SNAI2: variants seen among roughly 807,000 people sequenced by gnomAD.
The protein encoded by SNAI2 is snail family transcriptional repressor 2, also known as zinc finger protein SNAI2.
Under a neutral mutation model 22.4 loss-of-function variants are expected in SNAI2, and 2 were observed. That is an observed-to-expected ratio of 0.09 (90% CI 0.04 to 0.28). SNAI2 has a LOEUF of 0.28. Ranked by LOEUF, SNAI2 falls within the 10% of genes least tolerant of loss-of-function variation. The pLI is 1.00. For missense variants in SNAI2, 239 were observed against 320.8 expected (o/e 0.75, Z 1.95); for synonymous variants, 134 against 123.0 (o/e 1.09, Z -0.59).
chr8:48,918,826 C>A lies in SNAI2; in HGVS notation c.788G>T (p.Gly263Val). ...CGTCACTCAGTGTGCTACACAGCAG[C>A]CAGATTCCTCATGTTTGTGCAGGAG... ...MSLLHKHEESGCCVAH is the reference protein window; with the variant it reads ...MSLLHKHEESVCCVAH The change falls in exon 3 of 3, where the codon GGC (glycine) becomes GTC (valine). Residue 263 changes from glycine to valine, a missense_variant. By Grantham distance (109) the Gly-to-Val change is moderately radical. Around this residue, in one of 3 missense-constraint regions of SNAI2, gnomAD observed 25 missense variants for 31.4 expected, o/e 0.80. Coordinates refer to ENST00000020945, the MANE Select transcript of SNAI2 (RefSeq NM_003068.5). The A allele has an allele frequency of 3.1e-6, 5 of 1,614,130 alleles. No individual in the cohort carries two copies. Among genetic ancestry groups the A allele is most frequent in the Non-Finnish European group, 4.2e-6 (5 of 1,180,008 alleles).
At chr8:48,919,059 T>C in intron 2 of SNAI2, 71 bp from the exon 3 acceptor site, 2 of 1,465,606 alleles carry the variant, frequency 1.4e-6, no homozygotes, top group Non-Finnish European at 1.9e-6. Flanking sequence ...TAAAATCATG[T>C]TAACAAAAGT....
intron 1 of SNAI2, among the ~76,000 whole-genome samples, chr8:48,920,721 G>A (rs908416538): frequency 3.3e-5 from 5 of 152,132 alleles, no homozygotes; most frequent in Admixed American, 1.3e-4. Context: ...TGCCTTCGCC[G>A]TCCCCATTGA....
intron 1 of SNAI2, 69 bp from the exon 2 acceptor site, chr8:48,920,510 T>C: frequency 7.5e-7 from 1 of 1,330,610 alleles, no homozygotes; most frequent in Non-Finnish European, 1.1e-6. Flanking sequence ...CACGCAAGTA[T>C]ACACACACTG....
rs1159851414 is a variant in SNAI2, at chr8:48,917,914, A to G, written c.*893T>C. 1 of 152,220 alleles carries G rather than the reference A, an allele frequency of 6.6e-6. No individual in the cohort carries two copies. The highest frequency in any genetic ancestry group is 1.5e-5 in the Non-Finnish European group (1 of 68,036). 9.4% of individuals were successfully genotyped at this position (152,220 alleles called of 1,614,324 possible). A position where few individuals can be genotyped will look rare whatever the true frequency, so the allele number is the denominator to read the frequency against. ...TACAGAACTCATTCAATCATATAAA[A>G]ATAAACACAAATTTACATTGACTCA... is the stretch of plus-strand genomic sequence containing the variant. On this transcript the variant is annotated 3_prime_UTR_variant, in exon 3 of 3. Transcript: ENST00000020945.
rs1806098592 is a variant in SNAI2, at chr8:48,917,659, C to A, written c.*1148G>T. ...AACACATAAAATAACACTTCAGATG[C>A]ATAATAAGCATTATTCATTTTTTTC... On this transcript the variant is annotated 3_prime_UTR_variant, in exon 3 of 3. Transcript: ENST00000020945. 1 of 152,102 alleles carries A rather than the reference C, an allele frequency of 6.6e-6. No homozygotes were observed. The highest frequency in any genetic ancestry group is 2.1e-4 in the South Asian group (1 of 4,826). The allele number at this position is 152,102 out of a possible 1,614,324, so 9.4% of individuals were successfully genotyped here. A position where few individuals can be genotyped will look rare whatever the true frequency, so the allele number is the denominator to read the frequency against.
Position 48,918,685 on chromosome 8 carries a change from G to A in SNAI2, c.*122C>T. The A allele has an allele frequency of 2.4e-6, 2 of 833,116 alleles. No homozygotes were observed. The highest frequency in any genetic ancestry group is 2.8e-5 in the South Asian group (2 of 70,270). 51.6% of individuals were successfully genotyped at this position (833,116 alleles called of 1,614,324 possible). A position where few individuals can be genotyped will look rare whatever the true frequency, so the allele number is the denominator to read the frequency against. On this transcript the variant is annotated 3_prime_UTR_variant, in exon 3 of 3. Coordinates refer to ENST00000020945, the MANE Select transcript of SNAI2 (RefSeq NM_003068.5). ...TGTGTGTGTGTGTGTGTGCATATGTGTGTGTGTCTATACATATTATTTGGT... is the reference window on the plus strand; with the variant it reads ...TGTGTGTGTGTGTGTGTGCATATGTATGTGTGTCTATACATATTATTTGGT...
rs1806115770 is a variant in SNAI2, at chr8:48,918,719, A to G, written c.*88T>C. ...TATACATATTATTTGGTTGGTCAGC[A>G]CAGGAGAAAATGCCTTTGGACTTTA... On this transcript the variant is annotated 3_prime_UTR_variant, in exon 3 of 3. Coordinates refer to ENST00000020945, the MANE Select transcript of SNAI2 (RefSeq NM_003068.5). 1 of 1,388,618 alleles carries G rather than the reference A, an allele frequency of 7.2e-7. No homozygotes were observed. The highest frequency in any genetic ancestry group is 1.0e-6 in the Non-Finnish European group (1 of 976,356). The allele number at this position is 1,388,618 out of a possible 1,614,324, so 86.0% of individuals were successfully genotyped here. A position where few individuals can be genotyped will look rare whatever the true frequency, so the allele number is the denominator to read the frequency against.
intron 2 of SNAI2, 29 bp downstream of exon 2, chr8:48,919,866 TA>T: frequency 1.2e-6 from 2 of 1,607,440 alleles, no homozygotes; most frequent in Non-Finnish European, 8.5e-7. Context: ...TATCTCAGAG[TA>T]ACATTCCTGC....
Position 48,921,274 on chromosome 8 carries a change from CG to C in SNAI2, c.-10del. On this transcript the variant is annotated 5_prime_UTR_variant, in exon 1 of 3. Transcript: ENST00000020945. ...AGGAAGGAGCGCGGCATCTTGCCAG[CG>C]GGTCTGGCGGGCGCCCGGCGCGGAT... is the stretch of plus-strand genomic sequence containing the variant. 2 of 1,610,480 alleles carry C rather than the reference CG, an allele frequency of 1.2e-6. No individual in the cohort carries two copies. Among genetic ancestry groups the C allele is most frequent in the Non-Finnish European group, 1.7e-6 (2 of 1,178,670 alleles).
rs1336032756 is a variant in SNAI2 at position 48,920,131 on chromosome 8, G to C, written c.390C>G (p.Cys130Trp). 1 of 1,614,190 alleles carries C rather than the reference G, an allele frequency of 6.2e-7. No homozygotes were observed. Among genetic ancestry groups the C allele is most frequent in the Non-Finnish European group, 8.5e-7 (1 of 1,180,024 alleles). The part of the protein sequence containing the change: ...PHAIEAEKFQ[C>W]NLCNKTYSTF... ...TTGAATAGGTCTTATTGCATAAATT[G>C]CACTGAAACTTTTCAGCTTCAATGG... Residue 130 changes from cysteine to tryptophan, a missense_variant, in exon 2 of 3, where the codon TGC becomes TGG. Physicochemically the swap from Cys to Trp is radical, Grantham distance 215. Coordinates refer to ENST00000020945, the MANE Select transcript of SNAI2 (RefSeq NM_003068.5).
In SNAI2 at chr8:48,921,346, G is replaced by C; in HGVS notation, c.-81C>G. ...CGGCGGTCCCTACAGCATCGCGGCG[G>C]GCCAGGCTCGGGCAGGGGCCGTGCT... On this transcript the variant is annotated 5_prime_UTR_variant, in exon 1 of 3. Transcript: ENST00000020945. 9.0e-7 allele frequency: 1 copy of C among 1,108,644 alleles called. No individual in the cohort carries two copies. The highest frequency in any genetic ancestry group is 1.2e-5 in the South Asian group (1 of 81,018). The allele number at this position is 1,108,644 out of a possible 1,614,324, so 68.7% of individuals were successfully genotyped here. A position where few individuals can be genotyped will look rare whatever the true frequency, so the allele number is the denominator to read the frequency against.
rs1216383097 is a variant in SNAI2, at chr8:48,918,548, T to C, written c.*259A>G. ...TCTTTGAAGAGAAAGGTTACTGTCTTTTATTCTCTCAATCTAGCCATCAGC... is the reference window on the plus strand; with the variant it reads ...TCTTTGAAGAGAAAGGTTACTGTCTCTTATTCTCTCAATCTAGCCATCAGC... On this transcript the variant is annotated 3_prime_UTR_variant, in exon 3 of 3. Transcript: ENST00000020945. The C allele has an allele frequency of 4.1e-6, 2 of 486,452 alleles. No homozygotes were observed. Among genetic ancestry groups the C allele is most frequent in the Non-Finnish European group, 7.4e-6 (2 of 269,678 alleles). 30.1% of individuals were successfully genotyped at this position (486,452 alleles called of 1,614,324 possible). A position where few individuals can be genotyped will look rare whatever the true frequency, so the allele number is the denominator to read the frequency against.
At position 48,920,353 on chromosome 8, in the gene SNAI2, G is replaced by C; in HGVS notation, c.168C>G (p.Ile56Met). The change falls in exon 2 of 3, where the codon ATC (isoleucine) becomes ATG (methionine). Residue 56 changes from isoleucine to methionine, a missense_variant. Ile to Met is a conservative substitution (Grantham distance 10). This residue lies in a region of SNAI2 where 183 missense variants were observed against 190.4 expected (regional missense o/e 0.96). Transcript: ENST00000020945. ...ATGGAGCAGCGGTAGTCCACACAGT[G>C]ATGGGGCTGTATGCTCCTGAGCTGA... ...EILSSGAYSPITVWTTAAPFH... is the reference protein window; with the variant it reads ...EILSSGAYSPMTVWTTAAPFH... 1 of 1,613,682 alleles carries C rather than the reference G, an allele frequency of 6.2e-7. No homozygotes were observed. The highest frequency in any genetic ancestry group is 8.5e-7 in the Non-Finnish European group (1 of 1,179,672).
In SNAI2 at chr8:48,920,138, A is replaced by G; in HGVS notation, c.383T>C (p.Phe128Ser). Residue 128 changes from phenylalanine (F) to serine (S), a missense_variant, in exon 2 of 3, where the codon TTT (phenylalanine) becomes TCT (serine). Around this residue, in one of 3 missense-constraint regions of SNAI2, gnomAD observed 183 missense variants for 190.4 expected, o/e 0.96. Coordinates refer to ENST00000020945, the MANE Select transcript of SNAI2 (RefSeq NM_003068.5). ...SDPHAIEAEK[F>S]QCNLCNKTYS... ...GGTCTTATTGCATAAATTGCACTGAAACTTTTCAGCTTCAATGGCATGGGG... is the reference window on the plus strand; with the variant it reads ...GGTCTTATTGCATAAATTGCACTGAGACTTTTCAGCTTCAATGGCATGGGG... 2 of 1,614,206 alleles carry G rather than the reference A, an allele frequency of 1.2e-6. No homozygotes were observed. The highest frequency in any genetic ancestry group is 1.7e-6 in the Non-Finnish European group (2 of 1,180,028).
chr8:48,920,684 T>C (rs547258420), intron 1 of SNAI2, among the ~76,000 whole-genome samples: 10 of 152,210 alleles, frequency 6.6e-5, no homozygotes, highest in Non-Finnish European at 1.0e-4. Context: ...ATAGGTGCTC[T>C]GAAGTCAGAC....
chr8:48,919,057 T>C, intron 2 of SNAI2, 69 bp from the exon 3 acceptor site: 1 of 1,493,842 alleles, frequency 6.7e-7, no homozygotes, highest in Non-Finnish European at 9.2e-7. Context: ...AGTAAAATCA[T>C]GTTAACAAAA....
In SNAI2 at chr8:48,917,893, G is replaced by T. The variant is rs1052883909; in HGVS notation, c.*914C>A. The T allele has an allele frequency of 6.6e-6, 1 of 152,096 alleles. No homozygotes were observed. The highest frequency in any genetic ancestry group is 2.4e-5 in the African/African-American group (1 of 41,418). The allele number at this position is 152,096 out of a possible 1,614,324, so 9.4% of individuals were successfully genotyped here. On this transcript the variant is annotated 3_prime_UTR_variant, in exon 3 of 3. Coordinates refer to ENST00000020945, the MANE Select transcript of SNAI2 (RefSeq NM_003068.5). ...ATAGACAACATCTCAGTTTCATACAGAACTCATTCAATCATATAAAAATAA... is the reference window on the plus strand; with the variant it reads ...ATAGACAACATCTCAGTTTCATACATAACTCATTCAATCATATAAAAATAA...
Position 48,921,250 on chromosome 8 carries a change from G to T in SNAI2, c.16C>A (p.Leu6Met), listed in dbSNP as rs1806157441. 6.2e-7 allele frequency: 1 copy of T among 1,613,278 alleles called. No individual in the cohort carries two copies. The highest frequency in any genetic ancestry group is 1.3e-5 in the African/African-American group (1 of 74,956). Residue 6 changes from leucine to methionine, a missense_variant, in exon 1 of 3, where the codon CTG (leucine) becomes ATG (methionine). Transcript: ENST00000020945. MPRSF[L>M]VKKHFNASKK... ...GAGGCGTTGAAATGCTTCTTGACCA[G>T]GAAGGAGCGCGGCATCTTGCCAGCG...
Position 48,920,005 on chromosome 8 carries a change from G to T in SNAI2, c.516C>A (p.Gly172=). The T allele has an allele frequency of 6.2e-7, 1 of 1,614,136 alleles. No homozygotes were observed. The highest frequency in any genetic ancestry group is 8.5e-7 in the Non-Finnish European group (1 of 1,180,028). Residue 172 remains glycine, a synonymous_variant, in exon 2 of 3, where the codon GGC becomes GGA. Transcript: ENST00000020945. ...GGGTCCGAATATGCATCTTCAGGGC[G>T]CCCAGGCTCACATATTCCTTGTCAC... ...KYCDKEYVSL[G]ALKMHIRTHT...
Sources: allele counts gnomAD v4.1 joint callset (sites outside exome capture counted in the v4.1 genomes callset), GRCh38; gene constraint gnomAD v4.1.1; regional missense constraint gnomAD v4.1.1; transcripts MANE v1.5; gene names NCBI Gene and HGNC (gene_info 2026-07-23, HGNC 2026-07-21).